Variants in ZFHX3 observed in about 807,000 individuals in gnomAD.
ZFHX3 encodes zinc finger homeobox 3, also known as zinc finger homeobox protein 3.
A neutral mutation model predicts 279.1 loss-of-function variants in ZFHX3; 42 were observed. The observed-to-expected ratio is 0.15, with a 90% CI of 0.12 to 0.19. The LOEUF (loss-of-function observed/expected upper bound fraction) is 0.19. ZFHX3 is among the 10% of genes least tolerant of loss of function. The pLI is 1.00. For missense variants in ZFHX3, 4,981 were observed against 4,754.0 expected, an observed-to-expected ratio of 1.05 and a Z score of -1.40; for synonymous variants, 2,293 against 1,957.8, an observed-to-expected ratio of 1.17 and a Z score of -4.52.
intron 2 of ZFHX3, among the ~76,000 whole-genome samples, chr16:73,576,090 C>T (rs2051796493): frequency 6.6e-6 from 1 of 152,126 alleles, no homozygotes; most frequent in South Asian, 2.1e-4. Context: ...TACTTATACA[C>T]ACTCACTAAA....
intron 4 of ZFHX3, among the ~76,000 whole-genome samples, chr16:72,840,412 C>A (rs879402679): frequency 6.6e-6 from 1 of 152,060 alleles, no homozygotes; most frequent in African/African-American, 2.4e-5. Context: ...GATGGAGGGG[C>A]GGCCATGCAG....
intron 4 of ZFHX3, among the ~76,000 whole-genome samples, chr16:72,834,361 G>C (rs1026493184): frequency 3.9e-5 from 6 of 152,200 alleles, no homozygotes; most frequent in African/African-American, 1.4e-4. Flanking sequence ...CATCACTCAG[G>C]CTTCCTGACT....
chr16:73,304,543 C>T (rs2015135329), intron 4 of ZFHX3, among the ~76,000 whole-genome samples: 1 of 152,200 alleles, frequency 6.6e-6, no homozygotes, highest in Non-Finnish European at 1.5e-5. Flanking sequence ...CACTCTCTCC[C>T]CGCACATTAG....
At chr16:73,251,825 C>T (rs1196710616) in intron 5 of ZFHX3, among the ~76,000 whole-genome samples, 1 of 127,920 alleles carries the variant, frequency 7.8e-6, no homozygotes, top group Non-Finnish European at 1.6e-5. Context: ...ACACACACCA[C>T]ACACACACCA....
intron 5 of ZFHX3, among the ~76,000 whole-genome samples, chr16:73,247,761 G>T (rs1364684271): frequency 1.3e-5 from 2 of 151,976 alleles, no homozygotes; most frequent in Non-Finnish European, 2.9e-5. Flanking sequence ...GTATGAGTGT[G>T]TATATACTGC....
intron 4 of ZFHX3, among the ~76,000 whole-genome samples, chr16:72,849,897 A>G (rs1369105665): frequency 7.8e-6 from 1 of 127,548 alleles, no homozygotes; most frequent in African/African-American, 2.9e-5. Flanking sequence ...AAAAAAAAAA[A>G]AAAAAAAAAA....
intron 1 of ZFHX3, among the ~76,000 whole-genome samples, chr16:73,028,718 G>A (rs780725553): frequency 3.9e-5 from 6 of 152,186 alleles, no homozygotes; most frequent in Non-Finnish European, 7.3e-5. Flanking sequence ...TGCTTCTCCG[G>A]GCCCATCCCT....
At chr16:73,561,713 T>A (rs1439081884) in intron 2 of ZFHX3, among the ~76,000 whole-genome samples, 1 of 152,196 alleles carries the variant, frequency 6.6e-6, no homozygotes, top group East Asian at 1.9e-4. Context: ...TCCCTTCTGA[T>A]TACAACAAAA....
exon 1 of ZFHX3, chr16:73,059,114 C>G (rs1328364949): frequency 6.6e-6 from 1 of 152,086 alleles, no homozygotes; most frequent in Non-Finnish European, 1.5e-5. Flanking sequence ...TGCTTCATTA[C>G]CCAGGCACGA....
At chr16:73,134,521 T>C (rs529112875) in intron 6 of ZFHX3, 2 of 150,898 alleles carry the variant, frequency 1.3e-5, no homozygotes, top group East Asian at 3.9e-4. Context: ...TTTTTTTAGA[T>C]ATGGGGCCTT....
At chr16:73,206,018 A>G (rs1410832218) in intron 5 of ZFHX3, among the ~76,000 whole-genome samples, 1 of 152,222 alleles carries the variant, frequency 6.6e-6, no homozygotes, top group Non-Finnish European at 1.5e-5. Flanking sequence ...TTAAAAATGA[A>G]CTTTTATCAC....
At chr16:73,888,603 T>C (rs530658415) in intron 1 of ZFHX3, among the ~76,000 whole-genome samples, 2 of 152,122 alleles carry the variant, frequency 1.3e-5, no homozygotes, top group Admixed American at 1.3e-4. Context: ...TGCTCCACAG[T>C]AAATACACTG....
At position 72,793,312 on chromosome 16, in the gene ZFHX3, C is replaced by T. The variant is rs762786250; in HGVS notation, c.9370G>A (p.Val3124Met). The change falls in exon 9 of 10, where the codon GTG (valine) becomes ATG (methionine). Residue 3124 changes from valine to methionine, a missense_variant. Val to Met is a conservative substitution (Grantham distance 21, BLOSUM62 1). Around this residue, in one of 7 missense-constraint regions of ZFHX3, gnomAD observed 1,034 missense variants for 786.0 expected, o/e 1.32. Transcript: ENST00000268489. The surrounding 1 kb of genome is among the most constrained non-coding windows in gnomAD (Gnocchi z 4.3). ...GGGCTGTTGAGGCCCGGGAGCAACA[C>T]AGGAGGAATGCCCTGGAGCGCTGGA... ...AYPALQGIPPVLLPGLNSPSL... is the reference protein window; with the variant it reads ...AYPALQGIPPMLLPGLNSPSL... 3.1e-6 allele frequency: 5 copies of T among 1,614,118 alleles called. No individual in the cohort carries two copies. The Admixed American group carries it at 6.7e-5, about 22-fold the overall frequency.
chr16:73,247,596 G>T (rs1297256025), intron 5 of ZFHX3, among the ~76,000 whole-genome samples: 1 of 151,548 alleles, frequency 6.6e-6, no homozygotes, highest in Non-Finnish European at 1.5e-5. Flanking sequence ...TGTATATGAT[G>T]TGTCTGTGTA....
chr16:73,016,560 C>T lies in ZFHX3; in HGVS notation c.-50+31192G>A, dbSNP rs978054391. 5.3e-5 allele frequency among the ~76,000 whole-genome samples: 8 copies of T among 152,062 alleles called. No homozygotes were observed. The South Asian group carries it at 6.2e-4, about 12-fold the overall frequency. On this transcript the variant is annotated intron_variant, in intron 1 of 9. Coordinates refer to ENST00000268489, the MANE Select transcript of ZFHX3 (RefSeq NM_006885.4). ...TGCTACTTGACCCATTTCTCTTTTC[C>T]TCTTGCTTCTCCTGATGCCTCTCAA...
chr16:73,033,054 C>T (rs951026165), intron 1 of ZFHX3, among the ~76,000 whole-genome samples: 2 of 152,138 alleles, frequency 1.3e-5, no homozygotes, highest in East Asian at 3.9e-4. Context: ...CCAACCCACT[C>T]AAGTTTCTCC....
intron 2 of ZFHX3, among the ~76,000 whole-genome samples, chr16:73,543,018 C>T (rs2020045523): frequency 6.6e-6 from 1 of 152,136 alleles, no homozygotes. Context: ...CCGTATATTT[C>T]CAGGTGCCTG....
At chr16:73,842,355 C>A (rs1344037248) in intron 1 of ZFHX3, among the ~76,000 whole-genome samples, 1 of 152,006 alleles carries the variant, frequency 6.6e-6, no homozygotes, top group Non-Finnish European at 1.5e-5. Context: ...GCTGGTGCCT[C>A]CCCAGGATCA....
intron 1 of ZFHX3, among the ~76,000 whole-genome samples, chr16:73,022,331 C>T (rs574548266): frequency 2.0e-5 from 3 of 152,140 alleles, no homozygotes; most frequent in Non-Finnish European, 2.9e-5. Context: ...TGAGTCAGGC[C>T]TGCAAGCCAG....
Sources: gnomAD v4.1 joint callset for allele counts (sites outside exome capture counted in the v4.1 genomes callset) on GRCh38, gnomAD v4.1.1 for gene constraint, gnomAD v4.1.1 regional missense constraint, Gnocchi (gnomAD v3.1) non-coding constraint, MANE v1.5 for transcripts, NCBI Gene and HGNC (gene_info 2026-07-23, HGNC 2026-07-21) for gene names.